The following NANS variants were observed in gnomAD, a reference collection of about 807,000 sequenced individuals.
The protein encoded by NANS is N-acetylneuraminate-9-phosphate synthase.
A neutral mutation model predicts 33.3 loss-of-function variants in NANS; 29 were observed. The observed-to-expected ratio is 0.87, with a 90% CI of 0.65 to 1.19. The LOEUF is 1.19. Ranked by LOEUF, NANS falls within the 50% of genes most tolerant of loss-of-function variation. The probability of loss-of-function intolerance (pLI) is 0.00; values close to 1 mark genes in which losing one functional copy is unlikely to be tolerated. For missense variants in NANS, 394 were observed against 461.1 expected (o/e 0.85, Z 1.33); for synonymous variants, 163 against 177.2 (o/e 0.92, Z 0.64).
chr9:98,075,363 TGAAG>T (rs1348210543), intron 2 of NANS: 3 of 133,056 alleles, frequency 2.3e-5, no homozygotes, highest in Non-Finnish European at 4.7e-5. Flanking sequence ...GTGAGAAAGG[TGAAG>T]GAAGGGAGGA....
chr9:98,066,427 T>A (rs1396425475), intron 2 of NANS, among the ~76,000 whole-genome samples: 1 of 152,238 alleles, frequency 6.6e-6, no homozygotes, highest in Non-Finnish European at 1.5e-5. Context: ...GCTCACCTAA[T>A]GGAAGGTGTG....
intron 1 of NANS, among the ~76,000 whole-genome samples, chr9:98,059,026 T>C (rs1260008883): frequency 1.3e-5 from 2 of 150,760 alleles, no homozygotes; most frequent in African/African-American, 4.8e-5. Flanking sequence ...CCAAGAAGTT[T>C]TTATTTTTTT....
chr9:98,060,655 AG>A, intron 1 of NANS, 126 bp from the exon 2 acceptor site: 1 of 928,664 alleles, frequency 1.1e-6, no homozygotes, highest in Non-Finnish European at 1.7e-6. Context: ...TGGGTGAAAG[AG>A]CGAAACTCTG....
intron 2 of NANS, among the ~76,000 whole-genome samples, chr9:98,072,736 C>T (rs980642369): frequency 6.6e-6 from 1 of 152,114 alleles, no homozygotes; most frequent in African/African-American, 2.4e-5. Context: ...AGAGCCTTTA[C>T]GAGAGTTAAT....
Position 98,082,938 on chromosome 9 carries a change from C to A in NANS, c.963C>A (p.Gly321=), listed in dbSNP as rs149684214. ...MLTVKVGEPK[G]YPPEDIFNLV... is the part of the protein sequence containing the mutation. ...CCGTGAAGGTGGGTGAGCCCAAAGG[C>A]TATCCTCCTGAAGACATCTTTAATC... The change falls in exon 6 of 6, where the codon GGC becomes GGA. Residue 321 remains glycine, a synonymous_variant. Transcript: ENST00000210444. The A allele has an allele frequency of 1.7e-4, 268 of 1,614,068 alleles. No homozygotes were observed. The highest frequency in any genetic ancestry group is 2.1e-4 in the Non-Finnish European group (250 of 1,180,040).
intron 1 of NANS, 105 bp downstream of exon 1, chr9:98,057,045 C>T (rs762458937): frequency 1.7e-5 from 23 of 1,367,146 alleles, no homozygotes; most frequent in Middle Eastern, 2.7e-4. Flanking sequence ...TACCCTGGTC[C>T]GGCCTCTTCC....
rs758040892 is a variant in NANS at position 98,065,308 on chromosome 9, CTTTTTTTT to C, written c.348+4325_348+4332del. Reference sequence around the variant, plus strand: ...TTTAAAGTGTTAGTCACTCCTGGTGCTTTTTTTTTTTTTTTTTTTTTGAAACAGAGTTT... The same window carrying C: ...TTTAAAGTGTTAGTCACTCCTGGTGCTTTTTTTTTTTTTGAAACAGAGTTT... On this transcript the variant is annotated intron_variant, in intron 2 of 5. Transcript: ENST00000210444. Among the ~76,000 whole-genome samples, 8 of 92,764 alleles carry C rather than the reference CTTTTTTTT, an allele frequency of 8.6e-5. 1 individual carries two copies. The highest frequency in any genetic ancestry group is 1.2e-4 in the Non-Finnish European group (6 of 50,736). 60.9% of individuals were successfully genotyped at this position (92,764 alleles called of 152,430 possible).
intron 4 of NANS, among the ~76,000 whole-genome samples, chr9:98,079,908 A>C (rs934941871): frequency 6.6e-6 from 1 of 152,078 alleles, no homozygotes; most frequent in Non-Finnish European, 1.5e-5. Context: ...TAACCCTCCT[A>C]ATCTTTTGTT....
At chr9:98,069,062 T>C (rs1829234577) in intron 2 of NANS, among the ~76,000 whole-genome samples, 1 of 152,296 alleles carries the variant, frequency 6.6e-6, no homozygotes, top group South Asian at 2.1e-4. Context: ...GTGTTTATCA[T>C]ATGACCCACC....
chr9:98,078,924 C>T (rs1197926895), intron 4 of NANS, among the ~76,000 whole-genome samples: 3 of 151,780 alleles, frequency 2.0e-5, no homozygotes, highest in African/African-American at 7.3e-5. Context: ...GCTATGAACA[C>T]TAGCGTACAG....
intron 2 of NANS, among the ~76,000 whole-genome samples, chr9:98,072,922 A>G (rs1210131567): frequency 6.6e-6 from 1 of 152,172 alleles, no homozygotes; most frequent in African/African-American, 2.4e-5. Flanking sequence ...GTGCTGAGGA[A>G]AGGTTAAGGT....
At chr9:98,057,922 GTT>G (rs35104052) in intron 1 of NANS, among the ~76,000 whole-genome samples, 3 of 78,074 alleles carry the variant, frequency 3.8e-5, no homozygotes, top group Non-Finnish European at 6.9e-5. Flanking sequence ...TTTTTTCCTG[GTT>G]TTTTTTTTTT....
intron 1 of NANS, among the ~76,000 whole-genome samples, chr9:98,058,273 A>C (rs1405638185): frequency 1.3e-5 from 2 of 152,188 alleles, no homozygotes; most frequent in South Asian, 4.1e-4. Context: ...TCATAAAAAT[A>C]CTTTACAAAA....
chr9:98,079,140 C>T (rs1008578540), intron 4 of NANS, among the ~76,000 whole-genome samples: 2 of 152,134 alleles, frequency 1.3e-5, no homozygotes, highest in African/African-American at 4.8e-5. Context: ...AATCCAGTCC[C>T]AAGTCGGGAA....
chr9:98,060,853 G>A lies in NANS; in HGVS notation c.204G>A (p.Glu68=). 1 of 1,614,014 alleles carries A rather than the reference G, an allele frequency of 6.2e-7. No homozygotes were observed. The highest frequency in any genetic ancestry group is 1.3e-5 in the African/African-American group (1 of 74,958). ...LEFKFNRKAL[E]RPYTSKHSWG... is the part of the protein sequence containing the mutation. ...TCAAGTTTAATCGGAAAGCCTTGGA[G>A]AGGCCATACACCTCGAAGCATTCCT... The change falls in exon 2 of 6, where the codon GAG becomes GAA. Residue 68 remains glutamate, a synonymous_variant. Coordinates refer to ENST00000210444, the MANE Select transcript of NANS (RefSeq NM_018946.4).
At chr9:98,066,463 T>G (rs1829150505) in intron 2 of NANS, among the ~76,000 whole-genome samples, 1 of 152,202 alleles carries the variant, frequency 6.6e-6, no homozygotes, top group Non-Finnish European at 1.5e-5. Flanking sequence ...AAGAACAGTT[T>G]TATTGACACA....
chr9:98,074,821 T>C (rs1829510067), intron 2 of NANS: 1 of 152,180 alleles, frequency 6.6e-6, no homozygotes, highest in East Asian at 1.9e-4. Flanking sequence ...ATGAACATTA[T>C]ACAAAAGAAA....
intron 2 of NANS, chr9:98,069,771 G>C (rs1181796368): frequency 6.6e-6 from 1 of 152,284 alleles, no homozygotes; most frequent in African/African-American, 2.4e-5. Context: ...GGTTATAAAG[G>C]GGTGACATGA....
chr9:98,076,231 T>C (rs1829585641), intron 2 of NANS: 2 of 152,088 alleles, frequency 1.3e-5, no homozygotes, highest in African/African-American at 4.8e-5. Flanking sequence ...TTTGGCCGAG[T>C]AGAAGGGAAA....
Sources: allele counts gnomAD v4.1 joint callset (sites outside exome capture counted in the v4.1 genomes callset), GRCh38; gene constraint gnomAD v4.1.1; transcripts MANE v1.5; gene names NCBI Gene and HGNC (gene_info 2026-07-23, HGNC 2026-07-21).